TMEM132B: variants seen among roughly 807,000 people sequenced by gnomAD.
TMEM132B encodes the protein transmembrane protein 132B.
TMEM132B carries 18 observed loss-of-function variants against 90.8 expected under a neutral mutation model. The observed-to-expected ratio is 0.20, with a 90% CI of 0.14 to 0.29. The LOEUF (loss-of-function observed/expected upper bound fraction) is 0.29, where lower values mean the gene tolerates loss of function less well. TMEM132B is among the 10% of genes least tolerant of loss of function. The pLI is 1.00. For missense variants in TMEM132B, 1,096 were observed against 1,326.8 expected, an observed-to-expected ratio of 0.83 and a Z score of 2.70; for synonymous variants, 504 against 523.3, an observed-to-expected ratio of 0.96 and a Z score of 0.50.
intron 5 of TMEM132B, among the ~76,000 whole-genome samples, chr12:125,614,384 T>C (rs182261206): frequency 5.3e-5 from 8 of 152,310 alleles, no homozygotes; most frequent in Non-Finnish European, 1.0e-4. Flanking sequence ...TTGGTTCTTG[T>C]GTTAATTTGC....
chr12:125,264,827 C>T (rs1050966484), intron 1 of TMEM132B, among the ~76,000 whole-genome samples: 5 of 152,234 alleles, frequency 3.3e-5, no homozygotes, highest in African/African-American at 7.2e-5. Flanking sequence ...AACACCCAAA[C>T]GCATGTGCAT....
intron 1 of TMEM132B, among the ~76,000 whole-genome samples, chr12:125,345,699 C>T (rs920936027): frequency 1.3e-5 from 2 of 152,136 alleles, no homozygotes; most frequent in Non-Finnish European, 2.9e-5. Context: ...GAACTTGACT[C>T]TCTTCTTGGC....
intron 1 of TMEM132B, among the ~76,000 whole-genome samples, chr12:125,341,184 A>T (rs1459232435): frequency 6.6e-6 from 1 of 152,212 alleles, no homozygotes; most frequent in Non-Finnish European, 1.5e-5. Context: ...GCCTGGAGCT[A>T]AACTGCCTGG....
chr12:125,343,615 A>T (rs142353784), intron 1 of TMEM132B, among the ~76,000 whole-genome samples: 1 of 152,236 alleles, frequency 6.6e-6, no homozygotes, highest in Non-Finnish European at 1.5e-5. Context: ...CAAATTGCTT[A>T]ATTTCTCTGT....
chr12:125,511,627 C>T (rs1206020523), intron 3 of TMEM132B, among the ~76,000 whole-genome samples: 1 of 151,724 alleles, frequency 6.6e-6, no homozygotes, highest in African/African-American at 2.4e-5. Context: ...CCGAGGTGGG[C>T]GGATCACGAG....
chr12:125,584,199 C>G, intron 5 of TMEM132B: 1 of 643,900 alleles, frequency 1.6e-6, no homozygotes, highest in South Asian at 1.8e-5. Context: ...GCTTCCCTCT[C>G]CCTGGAAAGG....
intron 1 of TMEM132B, among the ~76,000 whole-genome samples, chr12:125,238,518 G>A (rs1873993879): frequency 6.6e-6 from 1 of 152,180 alleles, no homozygotes; most frequent in African/African-American, 2.4e-5. Flanking sequence ...GGGAGCATTA[G>A]GTGTTGATTT....
rs1055831309 is a variant in TMEM132B, at chr12:125,380,862, T to G, written c.959+30519T>G. On this transcript the variant is annotated intron_variant, in intron 2 of 8. Coordinates refer to ENST00000682704, the MANE Select transcript of TMEM132B (RefSeq NM_001366854.1). Reference sequence around the variant, plus strand: ...TGATCCCTGGTTCTGAAAACATTACTTCCTTCTGTCCTTCTGGCCTAGGGG... The same window carrying G: ...TGATCCCTGGTTCTGAAAACATTACGTCCTTCTGTCCTTCTGGCCTAGGGG... Among the ~76,000 whole-genome samples the G allele has an allele frequency of 3.9e-5, 6 of 152,242 alleles. 1 individual carries two copies.
At chr12:125,279,224 T>C (rs1875089840) in intron 1 of TMEM132B, among the ~76,000 whole-genome samples, 2 of 152,192 alleles carry the variant, frequency 1.3e-5, no homozygotes. Flanking sequence ...GCCAGGTAGG[T>C]CCATCCCAGG....
intron 1 of TMEM132B, among the ~76,000 whole-genome samples, chr12:125,293,476 C>T (rs529040335): frequency 2.0e-5 from 3 of 152,094 alleles, no homozygotes; most frequent in Non-Finnish European, 4.4e-5. Context: ...TAGGCCCCAG[C>T]GTCTATTGTT....
chr12:125,482,601 GC>G (rs1882078185), intron 3 of TMEM132B, among the ~76,000 whole-genome samples: 1 of 152,332 alleles, frequency 6.6e-6, no homozygotes, highest in Admixed American at 6.5e-5. Context: ...AACAATAGGT[GC>G]TGGAGAGGAT....
intron 1 of TMEM132B, among the ~76,000 whole-genome samples, chr12:125,241,595 C>T (rs1033263049): frequency 6.6e-6 from 1 of 152,178 alleles, no homozygotes; most frequent in Non-Finnish European, 1.5e-5. Context: ...CCAGCATCAC[C>T]TTCTGTTGAG....
At chr12:125,302,675 T>C (rs1169278171) in intron 1 of TMEM132B, among the ~76,000 whole-genome samples, 2 of 152,248 alleles carry the variant, frequency 1.3e-5, no homozygotes, top group Non-Finnish European at 2.9e-5. Context: ...ATTTTTGTAA[T>C]ATACATAAAA....
At chr12:125,436,385 C>A (rs1309477339) in intron 3 of TMEM132B, among the ~76,000 whole-genome samples, 2 of 152,162 alleles carry the variant, frequency 1.3e-5, no homozygotes, top group Non-Finnish European at 2.9e-5. Flanking sequence ...CTGTACCACA[C>A]ACACAGGCTT....
At chr12:125,530,270 A>G (rs918143428) in intron 4 of TMEM132B, among the ~76,000 whole-genome samples, 2 of 150,264 alleles carry the variant, frequency 1.3e-5, no homozygotes, top group African/African-American at 2.5e-5. Context: ...ATTGACGAAT[A>G]TTTAGGTTGC....
chr12:125,234,052 G>T (rs959635208), intron 1 of TMEM132B, among the ~76,000 whole-genome samples: 1 of 152,174 alleles, frequency 6.6e-6, no homozygotes, highest in Non-Finnish European at 1.5e-5. Context: ...TGTAGTCAGG[G>T]ATGTAGATAT....
intron 2 of TMEM132B, among the ~76,000 whole-genome samples, chr12:125,402,843 C>T (rs953819102): frequency 6.6e-6 from 1 of 151,990 alleles, no homozygotes; most frequent in Non-Finnish European, 1.5e-5. Flanking sequence ...TAATGAAGAA[C>T]CTATGGAAAA....
intron 4 of TMEM132B, among the ~76,000 whole-genome samples, chr12:125,576,513 G>A (rs1884945046): frequency 6.7e-6 from 1 of 148,994 alleles, no homozygotes; most frequent in Non-Finnish European, 1.5e-5. Flanking sequence ...TACAACACTG[G>A]ATAGAAGTGG....
chr12:125,399,491 G>A (rs868719262), intron 2 of TMEM132B, among the ~76,000 whole-genome samples: 64 of 146,554 alleles, frequency 4.4e-4, no homozygotes, highest in African/African-American at 1.5e-3. Flanking sequence ...GTATGTGTGT[G>A]TGTGTGTGTG....
Sources: allele counts gnomAD v4.1 joint callset (sites outside exome capture counted in the v4.1 genomes callset), GRCh38; gene constraint gnomAD v4.1.1; transcripts MANE v1.5; gene names NCBI Gene and HGNC (gene_info 2026-07-23, HGNC 2026-07-21).